CNTNAP2: variants seen among roughly 807,000 people sequenced by gnomAD.
CNTNAP2 encodes contactin-associated protein-like 2.
In CNTNAP2, 98 loss-of-function variants were observed where a neutral mutation model predicts 155.2. The observed-to-expected ratio is 0.63, with a 90% CI of 0.54 to 0.75. The LOEUF (loss-of-function observed/expected upper bound fraction) is 0.75, where lower values mean the gene tolerates loss of function less well. CNTNAP2 is among the 30% of genes least tolerant of loss of function. CNTNAP2 has a pLI of 0.00. For synonymous variants in CNTNAP2, 651 were observed against 631.2 expected, an observed-to-expected ratio of 1.03 and a Z score of -0.47; for missense variants, 1,727 against 1,688.1, an observed-to-expected ratio of 1.02 and a Z score of -0.40.
At position 147,995,530 on chromosome 7, in the gene CNTNAP2, TTG is replaced by T. The variant is rs200354716; in HGVS notation, c.2383+17543_2383+17544del. On this transcript the variant is annotated intron_variant, in intron 15 of 23. Coordinates refer to ENST00000361727, the MANE Select transcript of CNTNAP2 (RefSeq NM_014141.6). ...TGTCCTGCCTCTTCTAATTCTTTTGTTGTTTTTTTTTTTTTGAGATGGAATCT... is the reference window on the plus strand; with the variant it reads ...TGTCCTGCCTCTTCTAATTCTTTTGTTTTTTTTTTTTTTGAGATGGAATCT... 9.9e-3 allele frequency among the ~76,000 whole-genome samples: 1,076 copies of T among 109,086 alleles called. 29 individuals carry two copies. Among genetic ancestry groups the T allele is most frequent in the African/African-American group, 0.038 (943 of 24,618 alleles). 71.6% of individuals were successfully genotyped at this position (109,086 alleles called of 152,430 possible).
chr7:147,952,019 G>A (rs1387812013), intron 14 of CNTNAP2, among the ~76,000 whole-genome samples: 1 of 151,746 alleles, frequency 6.6e-6, no homozygotes, highest in Non-Finnish European at 1.5e-5. Flanking sequence ...TAGAAACTGA[G>A]CTTAATACAG....
At position 148,267,082 on chromosome 7, in the gene CNTNAP2, C is replaced by G. The variant is rs775781258; in HGVS notation, c.3431C>G (p.Thr1144Ser). 67 of 1,614,012 alleles carry G rather than the reference C, an allele frequency of 4.2e-5. No homozygotes were observed. Among genetic ancestry groups the G allele is most frequent in the Non-Finnish European group, 5.4e-5 (64 of 1,180,024 alleles). The change falls in exon 21 of 24, where the codon ACC becomes AGC. Residue 1144 changes from threonine to serine, a missense_variant. Transcript: ENST00000361727. The part of the protein sequence containing the change: ...VSYHLPSSSD[T>S]LFNSPKSLFL... ...TACCATCTGCCAAGTTCATCCGACA[C>G]CCTCTTCAATTCTCCCAAGTCGCTC...
intron 1 of CNTNAP2, among the ~76,000 whole-genome samples, chr7:146,352,768 T>TG (rs1201449000): frequency 1.2e-4 from 17 of 139,358 alleles, no homozygotes; most frequent in African/African-American, 4.7e-4. Context: ...TTTTTTTTTT[T>TG]TTTCGAGACA....
At chr7:146,767,595 G>A (rs749176793) in intron 1 of CNTNAP2, among the ~76,000 whole-genome samples, 1 of 152,072 alleles carries the variant, frequency 6.6e-6, no homozygotes, top group South Asian at 2.1e-4. Context: ...GGAAGCTGGA[G>A]CAAGAGATAC....
chr7:147,936,647 T>G (rs1800614696), intron 14 of CNTNAP2, among the ~76,000 whole-genome samples: 1 of 152,194 alleles, frequency 6.6e-6, no homozygotes, highest in Admixed American at 6.5e-5. Context: ...TTTCTCCTTT[T>G]TCTCCTCTTT....
chr7:146,650,916 A>T (rs756878513), intron 1 of CNTNAP2, among the ~76,000 whole-genome samples: 7 of 152,098 alleles, frequency 4.6e-5, no homozygotes, highest in Admixed American at 6.6e-5. Flanking sequence ...ACTATTCAGG[A>T]GGCTGAGGTG....
At chr7:148,111,526 G>A (rs377072589) in intron 15 of CNTNAP2, among the ~76,000 whole-genome samples, 3 of 147,888 alleles carry the variant, frequency 2.0e-5, no homozygotes, top group East Asian at 3.9e-4. Context: ...TCAAAATGTG[G>A]AACAAAATTA....
At position 148,004,323 on chromosome 7, in the gene CNTNAP2, C is replaced by T. The variant is rs1160337528; in HGVS notation, c.2383+26334C>T. 4.6e-5 allele frequency among the ~76,000 whole-genome samples: 7 copies of T among 152,126 alleles called. No individual in the cohort carries two copies. In the East Asian group the frequency reaches 7.7e-4, roughly 17 times the overall value. On this transcript the variant is annotated intron_variant, in intron 15 of 23. Transcript: ENST00000361727. ...AAGTATTTCTCAATTGACTGCTTTA[C>T]ATAAATCATATAGGTGTAAATTTGA...
chr7:147,963,805 C>T (rs1801157586), intron 14 of CNTNAP2, among the ~76,000 whole-genome samples: 1 of 152,060 alleles, frequency 6.6e-6, no homozygotes. Flanking sequence ...ACAGCTTAGG[C>T]ATTGTTACAT....
At position 148,415,611 on chromosome 7, in the gene CNTNAP2, A is replaced by G. The variant is rs1353317526; in HGVS notation, c.3991A>G (p.Ile1331Val). ...TGATGAAAGCAAAAAGGAATGGCTC[A>G]TTTGAGGGGTGGCTACTTGGCTATG... The part of the protein sequence containing the change: ...TIDESKKEWL[I>V] The change falls in exon 24 of 24, where the codon ATT (isoleucine) becomes GTT (valine). Residue 1331 changes from isoleucine to valine, a missense_variant. Physicochemically the swap from Ile to Val is conservative, Grantham distance 29. Coordinates refer to ENST00000361727, the MANE Select transcript of CNTNAP2 (RefSeq NM_014141.6). 6.2e-7 allele frequency: 1 copy of G among 1,613,778 alleles called. No homozygotes were observed. The highest frequency in any genetic ancestry group is 1.7e-5 in the Admixed American group (1 of 60,026).
chr7:146,586,010 A>C (rs1171696160), intron 1 of CNTNAP2, among the ~76,000 whole-genome samples: 1 of 120,134 alleles, frequency 8.3e-6, no homozygotes, highest in Non-Finnish European at 1.8e-5. Context: ...GTCTCAAAAA[A>C]ACAACAACAA....
At chr7:146,347,856 C>T (rs1024835058) in intron 1 of CNTNAP2, among the ~76,000 whole-genome samples, 1 of 152,074 alleles carries the variant, frequency 6.6e-6, no homozygotes, top group African/African-American at 2.4e-5. Context: ...GTGAGCCACG[C>T]ATTTTCTTCT....
intron 10 of CNTNAP2, among the ~76,000 whole-genome samples, chr7:147,475,658 A>T (rs1018656916): frequency 1.1e-4 from 17 of 152,176 alleles, no homozygotes; most frequent in Admixed American, 5.2e-4. Context: ...TATGTAGTCA[A>T]ATTTATTAAT....
intron 10 of CNTNAP2, among the ~76,000 whole-genome samples, chr7:147,432,436 G>C (rs1156377000): frequency 6.6e-6 from 1 of 152,146 alleles, no homozygotes; most frequent in African/African-American, 2.4e-5. Context: ...TTCTACCAAG[G>C]AAATTATTAG....
intron 1 of CNTNAP2, among the ~76,000 whole-genome samples, chr7:146,679,651 G>A (rs1011446057): frequency 6.6e-5 from 10 of 151,996 alleles, no homozygotes; most frequent in East Asian, 5.8e-4. Context: ...CACCGTGCCC[G>A]GCTGATCTTG....
At chr7:146,998,352 G>C (rs1019352364) in intron 3 of CNTNAP2, among the ~76,000 whole-genome samples, 2 of 151,758 alleles carry the variant, frequency 1.3e-5, no homozygotes, top group African/African-American at 4.8e-5. Context: ...CGTTCCCCCT[G>C]TTATTGATTT....
At chr7:148,196,168 C>A (rs931818472) in intron 18 of CNTNAP2, among the ~76,000 whole-genome samples, 3 of 152,138 alleles carry the variant, frequency 2.0e-5, no homozygotes, top group African/African-American at 7.2e-5. Context: ...CAGAGTTGAG[C>A]AATTTCAGGA....
chr7:148,389,042 G>A (rs1269508923), intron 22 of CNTNAP2, among the ~76,000 whole-genome samples: 4 of 152,160 alleles, frequency 2.6e-5, no homozygotes, highest in Non-Finnish European at 5.9e-5. Context: ...TGCGTGCTGG[G>A]AGAACCACTG....
chr7:146,795,685 G>C (rs1190000737), intron 2 of CNTNAP2, among the ~76,000 whole-genome samples: 1 of 152,168 alleles, frequency 6.6e-6, no homozygotes. Context: ...GGCAAGATGG[G>C]TTCTGGCAGC....
Sources: allele counts gnomAD v4.1 joint callset (sites outside exome capture counted in the v4.1 genomes callset), GRCh38; gene constraint gnomAD v4.1.1; transcripts MANE v1.5; gene names NCBI Gene and HGNC (gene_info 2026-07-23, HGNC 2026-07-21).